The following GHR variants were observed in gnomAD, a reference collection of about 807,000 sequenced individuals.
GHR encodes the protein GH receptor.
A neutral mutation model predicts 67.1 loss-of-function variants in GHR; 35 were observed. The observed-to-expected ratio is 0.52, with a 90% confidence interval of 0.40 to 0.69. The LOEUF (loss-of-function observed/expected upper bound fraction) is 0.69, where lower values mean the gene tolerates loss of function less well. Among genes scored for constraint, GHR ranks in the 30% least tolerant of loss-of-function variants. The probability of loss-of-function intolerance (pLI) is 0.00; values close to 1 mark genes in which losing one functional copy is unlikely to be tolerated. For missense variants in GHR, 792 were observed against 764.6 expected (o/e 1.04, Z -0.42); for synonymous variants, 272 against 269.1 (o/e 1.01, Z -0.10).
chr5:42,644,725 A>G (rs1754644675), intron 3 of GHR, among the ~76,000 whole-genome samples: 1 of 152,116 alleles, frequency 6.6e-6, no homozygotes, highest in African/African-American at 2.4e-5. Flanking sequence ...CATTAAAAAA[A>G]AGATAGTGGA....
intron 2 of GHR, among the ~76,000 whole-genome samples, chr5:42,599,394 A>C: frequency 8.3e-6 from 1 of 120,292 alleles, no homozygotes; most frequent in Admixed American, 1.0e-4. Flanking sequence ...GACAGAGTTC[A>C]CTCTGTCACC....
Position 42,681,265 on chromosome 5 carries a change from G to GGA in GHR, c.137-7625_137-7624insGA, listed in dbSNP as rs1554036147. 2.0e-3 allele frequency among the ~76,000 whole-genome samples: 291 copies of GGA among 144,880 alleles called. 2 individuals carry two copies. The highest frequency in any genetic ancestry group is 1.9e-3 in the Non-Finnish European group (126 of 66,350). On this transcript the variant is annotated intron_variant, in intron 3 of 9. Coordinates refer to ENST00000230882, the MANE Select transcript of GHR (RefSeq NM_000163.5). ...ACAAAGAACTTCAATAAATTTACAAGAAAAAAAAAAAACCATCAAAAAGTG... is the reference window on the plus strand; with the variant it reads ...ACAAAGAACTTCAATAAATTTACAAGGAAAAAAAAAAAAACCATCAAAAAGTG...
intron 2 of GHR, among the ~76,000 whole-genome samples, chr5:42,602,808 A>G (rs1752444701): frequency 6.6e-6 from 1 of 152,178 alleles, no homozygotes; most frequent in Non-Finnish European, 1.5e-5. Context: ...ATATGCTACT[A>G]ATATCCCAAT....
chr5:42,711,388 G>C lies in GHR; in HGVS notation c.784+16G>C. 1 of 1,580,084 alleles carries C rather than the reference G, an allele frequency of 6.3e-7. No individual in the cohort carries two copies. The highest frequency in any genetic ancestry group is 8.7e-7 in the Non-Finnish European group (1 of 1,149,168). ...TGTGAAGAAGGTAAAAGAAATAAAA[G>C]ATTAAAATAGTAGCTAACCTGGCTT... On this transcript the variant is annotated intron_variant, in intron 7 of 9. Transcript: ENST00000230882.
At chr5:42,556,201 T>C (rs936284723) in intron 1 of GHR, among the ~76,000 whole-genome samples, 3 of 152,202 alleles carry the variant, frequency 2.0e-5, no homozygotes, top group Admixed American at 1.3e-4. Context: ...AACCTACGCT[T>C]CTGTTAACTC....
Position 42,572,456 on chromosome 5 carries a change from T to G in GHR, c.70+6512T>G, listed in dbSNP as rs146069747. On this transcript the variant is annotated intron_variant, in intron 2 of 9. Transcript: ENST00000230882. ...AAGCAAACTTCCTCATCATCTGTAGTTAGCAGCATGAAGACGGTGATGATG... is the reference window on the plus strand; with the variant it reads ...AAGCAAACTTCCTCATCATCTGTAGGTAGCAGCATGAAGACGGTGATGATG... Among the ~76,000 whole-genome samples the G allele has an allele frequency of 3.4e-3, 520 of 152,310 alleles. 4 individuals are homozygous for G. Among genetic ancestry groups the G allele is most frequent in the African/African-American group, 0.012 (496 of 41,576 alleles).
chr5:42,625,464 A>AT (rs556108126), intron 2 of GHR, among the ~76,000 whole-genome samples: 1 of 152,062 alleles, frequency 6.6e-6, no homozygotes, highest in Non-Finnish European at 1.5e-5. Flanking sequence ...ATTTGAAGAG[A>AT]TTTTTTCTGA....
At chr5:42,439,907 C>T (rs920873242) in intron 1 of GHR, among the ~76,000 whole-genome samples, 4 of 152,096 alleles carry the variant, frequency 2.6e-5, no homozygotes, top group African/African-American at 9.7e-5. Context: ...GTTTTTTCTC[C>T]ATACAGCTTA....
At chr5:42,566,015 G>C in intron 2 of GHR, 71 bp downstream of exon 2, 1 of 1,539,912 alleles carries the variant, frequency 6.5e-7, no homozygotes, top group Non-Finnish European at 9.0e-7. Flanking sequence ...CTACATCCAA[G>C]TTTTTTGGAT....
At chr5:42,687,924 A>C (rs1471454457) in intron 3 of GHR, among the ~76,000 whole-genome samples, 1 of 152,260 alleles carries the variant, frequency 6.6e-6, no homozygotes, top group Non-Finnish European at 1.5e-5. Context: ...ATTCATACAC[A>C]AAAATGTGTT....
Position 42,629,245 on chromosome 5 carries a change from A to AT in GHR, c.136+148dup, listed in dbSNP as rs758246820. The stretch of plus-strand genomic sequence containing the variant: ...TTGAAATTTTATAGGCAAGCAAAAC[A>AT]TTTTTTAAGGATTTATTTTTTAACT... On this transcript the variant is annotated intron_variant, in intron 3 of 9. Transcript: ENST00000230882. The AT allele has an allele frequency of 4.4e-5, 27 of 616,930 alleles. 4 individuals are homozygous for AT. Among genetic ancestry groups the AT allele is most frequent in the African/African-American group, 9.5e-5 (4 of 42,096 alleles). 38.2% of individuals were successfully genotyped at this position (616,930 alleles called of 1,614,324 possible).
At chr5:42,432,051 G>A (rs575009331) in intron 1 of GHR, among the ~76,000 whole-genome samples, 3 of 152,278 alleles carry the variant, frequency 2.0e-5, no homozygotes, top group Non-Finnish European at 4.4e-5. Context: ...ACAACCTACT[G>A]TGCTAGACAT....
At chr5:42,531,195 T>C (rs947724520) in intron 1 of GHR, among the ~76,000 whole-genome samples, 1 of 151,668 alleles carries the variant, frequency 6.6e-6, no homozygotes, top group Non-Finnish European at 1.5e-5. Context: ...TGAACCCAGG[T>C]GATGGAGGTT....
intron 2 of GHR, among the ~76,000 whole-genome samples, chr5:42,595,270 T>C (rs1022931224): frequency 2.6e-5 from 4 of 152,224 alleles, no homozygotes; most frequent in African/African-American, 9.7e-5. Flanking sequence ...GAACATACTG[T>C]TTCATTTTAT....
rs80340985 is a variant in GHR at position 42,455,421 on chromosome 5, C to A, written c.-12+31466C>A. Among the ~76,000 whole-genome samples the A allele has an allele frequency of 2.2e-3, 331 of 152,308 alleles. 1 individual carries two copies. Among genetic ancestry groups the A allele is most frequent in the African/African-American group, 7.7e-3 (321 of 41,566 alleles). On this transcript the variant is annotated intron_variant, in intron 1 of 9. Transcript: ENST00000230882. ...GCCCTGCCTGCTATCTGCCATCTTT[C>A]TTCTGTCCCCAATCCTTCTCTTTAG...
intron 1 of GHR, among the ~76,000 whole-genome samples, chr5:42,539,991 A>G (rs1429742587): frequency 6.6e-6 from 1 of 152,166 alleles, no homozygotes; most frequent in African/African-American, 2.4e-5. Context: ...ACTGCTCTCT[A>G]TTTCTAGTTT....
chr5:42,469,747 G>A (rs1174957003), intron 1 of GHR, among the ~76,000 whole-genome samples: 3 of 152,204 alleles, frequency 2.0e-5, no homozygotes, highest in African/African-American at 7.2e-5. Flanking sequence ...ACTGGGAAAT[G>A]GAGGTGCTGG....
chr5:42,629,219 G>A lies in GHR; in HGVS notation c.136+116G>A. 7.5e-6 allele frequency: 5 copies of A among 664,958 alleles called. 2 individuals carry two copies. Among genetic ancestry groups the A allele is most frequent in the Non-Finnish European group, 1.3e-5 (5 of 373,700 alleles). The allele number at this position is 664,958 out of a possible 1,614,324, so 41.2% of individuals were successfully genotyped here. A position where few individuals can be genotyped will look rare whatever the true frequency, so the allele number is the denominator to read the frequency against. Reference sequence around the variant, plus strand: ...TGGTAGTAACTGGAATAGTGACTGAGTTGAAATTTTATAGGCAAGCAAAAC... The same window carrying A: ...TGGTAGTAACTGGAATAGTGACTGAATTGAAATTTTATAGGCAAGCAAAAC... On this transcript the variant is annotated intron_variant, in intron 3 of 9. Coordinates refer to ENST00000230882, the MANE Select transcript of GHR (RefSeq NM_000163.5).
intron 2 of GHR, among the ~76,000 whole-genome samples, chr5:42,566,543 A>G (rs1749951212): frequency 6.6e-6 from 1 of 152,162 alleles, no homozygotes; most frequent in Non-Finnish European, 1.5e-5. Context: ...CTCCTTGTAG[A>G]GAAGTCTCAA....
Sources: gnomAD v4.1 joint callset for allele counts (sites outside exome capture counted in the v4.1 genomes callset) on GRCh38, gnomAD v4.1.1 for gene constraint, MANE v1.5 for transcripts, NCBI Gene and HGNC (gene_info 2026-07-23, HGNC 2026-07-21) for gene names.